Variants in SLC24A2 observed in about 807,000 individuals in gnomAD.
SLC24A2 encodes sodium/potassium/calcium exchanger 2.
A neutral mutation model predicts 62.0 loss-of-function variants in SLC24A2; 36 were observed. The ratio of observed to expected loss-of-function variants is 0.58; its 90% confidence interval spans 0.44 to 0.77. The LOEUF is 0.77. Among genes scored for constraint, SLC24A2 ranks in the 30% least tolerant of loss-of-function variants. The pLI is 0.00. For synonymous variants in SLC24A2, 358 were observed against 294.0 expected, an observed-to-expected ratio of 1.22 and a Z score of -2.23; for missense variants, 846 against 817.9, an observed-to-expected ratio of 1.03 and a Z score of -0.42.
At chr9:20,073,146 C>G in the SLC24A2 span, among the ~76,000 whole-genome samples, 1 of 152,168 alleles carries the variant, frequency 6.6e-6, no homozygotes, top group Non-Finnish European at 1.5e-5. Context: ...GTCTGCTGTT[C>G]AGGTCTCACC....
At chr9:19,938,257 C>T in the SLC24A2 span, among the ~76,000 whole-genome samples, 1 of 151,882 alleles carries the variant, frequency 6.6e-6, no homozygotes, top group South Asian at 2.1e-4. Flanking sequence ...ACATTCATTT[C>T]AAAAAACATG....
chr9:20,246,988 A>C, the SLC24A2 span, among the ~76,000 whole-genome samples: 1 of 152,330 alleles, frequency 6.6e-6, no homozygotes, highest in South Asian at 2.1e-4. Flanking sequence ...TGACCATTAT[A>C]CAGTGTATTG....
chr9:19,942,025 T>G, the SLC24A2 span, among the ~76,000 whole-genome samples: 1 of 152,200 alleles, frequency 6.6e-6, no homozygotes. Context: ...AAATCTTACA[T>G]TATGTTTTAT....
chr9:19,726,303 A>T (rs1237475130), intron 2 of SLC24A2, among the ~76,000 whole-genome samples: 4 of 152,236 alleles, frequency 2.6e-5, no homozygotes, highest in African/African-American at 9.6e-5. Context: ...TCAAGAGTAT[A>T]TGCAACCAAA....
At chr9:19,535,294 C>G (rs1405589658) in intron 8 of SLC24A2, among the ~76,000 whole-genome samples, 1 of 152,112 alleles carries the variant, frequency 6.6e-6, no homozygotes, top group Admixed American at 6.6e-5. Context: ...TTCTCCCATT[C>G]TGTAGGTTGC....
At chr9:19,980,274 T>G in the SLC24A2 span, among the ~76,000 whole-genome samples, 1 of 152,120 alleles carries the variant, frequency 6.6e-6, no homozygotes, top group African/African-American at 2.4e-5. Flanking sequence ...TCTAACAAGC[T>G]CCAGTTAACG....
the SLC24A2 span, among the ~76,000 whole-genome samples, chr9:20,052,479 A>G: frequency 6.6e-6 from 1 of 152,190 alleles, no homozygotes; most frequent in African/African-American, 2.4e-5. Context: ...GTATTCTTTG[A>G]AGGTTCAATT....
At chr9:19,734,926 A>T (rs532185982) in intron 2 of SLC24A2, among the ~76,000 whole-genome samples, 35 of 152,150 alleles carry the variant, frequency 2.3e-4, no homozygotes, top group African/African-American at 7.5e-4. Context: ...AACCTAGGCA[A>T]TACCATTCAG....
the SLC24A2 span, among the ~76,000 whole-genome samples, chr9:20,102,221 TAA>T: frequency 1.3e-5 from 2 of 152,052 alleles, no homozygotes; most frequent in African/African-American, 2.4e-5. Context: ...AAAAGTGTCC[TAA>T]GAGAGAGACT....
intron 7 of SLC24A2, among the ~76,000 whole-genome samples, chr9:19,555,106 C>A (rs1369413445): frequency 6.6e-6 from 1 of 152,144 alleles, no homozygotes; most frequent in Admixed American, 6.5e-5. Flanking sequence ...CTGCCCAAGT[C>A]ATGCACCCAC....
chr9:19,973,085 C>T, the SLC24A2 span, among the ~76,000 whole-genome samples: 1 of 152,180 alleles, frequency 6.6e-6, no homozygotes, highest in Non-Finnish European at 1.5e-5. Context: ...CGACTGTAGT[C>T]CCAGCTACTC....
intron 2 of SLC24A2, among the ~76,000 whole-genome samples, chr9:19,637,345 A>G (rs1818384744): frequency 6.6e-6 from 1 of 152,224 alleles, no homozygotes; most frequent in South Asian, 2.1e-4. Flanking sequence ...TCAGGCACCA[A>G]TGGTGCCCAA....
At chr9:20,105,347 C>T in the SLC24A2 span, among the ~76,000 whole-genome samples, 27 of 152,100 alleles carry the variant, frequency 1.8e-4, no homozygotes, top group Admixed American at 9.2e-4. Context: ...ACCAAGCGGA[C>T]CTAATAGACA....
the SLC24A2 span, among the ~76,000 whole-genome samples, chr9:20,066,626 A>T: frequency 6.6e-6 from 1 of 152,190 alleles, no homozygotes; most frequent in East Asian, 1.9e-4. Context: ...TGCACAATGG[A>T]AGCATAAAAA....
chr9:20,195,548 T>C, the SLC24A2 span, among the ~76,000 whole-genome samples: 8 of 152,324 alleles, frequency 5.3e-5, no homozygotes, highest in South Asian at 4.1e-4. Context: ...TTTCTCTCAA[T>C]TTGTAAGTTA....
the SLC24A2 span, among the ~76,000 whole-genome samples, chr9:19,936,929 G>A: frequency 1.3e-5 from 2 of 152,310 alleles, no homozygotes; most frequent in Non-Finnish European, 2.9e-5. Flanking sequence ...GAGCAGAGAG[G>A]TAGAGGCTGC....
At chr9:20,084,611 C>T in the SLC24A2 span, among the ~76,000 whole-genome samples, 2,136 of 151,904 alleles carry the variant, frequency 0.014, 50 homozygotes, top group African/African-American at 0.049. Flanking sequence ...TCCCCAGACA[C>T]CACTGGGTAA....
At chr9:19,596,781 G>A (rs894677173) in intron 5 of SLC24A2, among the ~76,000 whole-genome samples, 6 of 152,190 alleles carry the variant, frequency 3.9e-5, no homozygotes, top group Non-Finnish European at 5.9e-5. Context: ...CAGGTGTCTA[G>A]CTGGTTCTGG....
chr9:20,264,995 G>C, the SLC24A2 span, among the ~76,000 whole-genome samples: 1 of 152,202 alleles, frequency 6.6e-6, no homozygotes, highest in East Asian at 1.9e-4. Flanking sequence ...CGTGCTCCCA[G>C]CCCTGGTACA....
Sources: allele counts gnomAD v4.1 joint callset (sites outside exome capture counted in the v4.1 genomes callset), GRCh38; gene constraint gnomAD v4.1.1; transcripts MANE v1.5; gene names NCBI Gene and HGNC (gene_info 2026-07-23, HGNC 2026-07-21).